The following ST6GAL1 variants were observed in gnomAD, a reference collection of about 807,000 sequenced individuals.
ST6GAL1 encodes ST6 beta-galactoside alpha-2,6-sialyltransferase 1, also known as beta-galactoside alpha-2,6-sialyltransferase 1.
A neutral mutation model predicts 38.0 loss-of-function variants in ST6GAL1; 20 were observed. The observed-to-expected ratio is 0.53, with a 90% CI of 0.37 to 0.77. The LOEUF is 0.77. ST6GAL1 is among the 30% of genes least tolerant of loss of function. The pLI, the probability that ST6GAL1 is intolerant of heterozygous loss-of-function variation, is 0.00. For synonymous variants in ST6GAL1, 196 were observed against 188.2 expected (o/e 1.04, Z -0.34); for missense variants, 432 against 496.4 (o/e 0.87, Z 1.23).
chr3:186,938,755 A>C (rs111424387), intron 1 of ST6GAL1, among the ~76,000 whole-genome samples: 46 of 152,220 alleles, frequency 3.0e-4, no homozygotes, highest in African/African-American at 1.1e-3. Flanking sequence ...AAGGAACCCT[A>C]TATCATATCC....
intron 3 of ST6GAL1, among the ~76,000 whole-genome samples, chr3:187,040,294 G>C (rs1718082812): frequency 6.6e-6 from 1 of 152,214 alleles, no homozygotes; most frequent in Non-Finnish European, 1.5e-5. Context: ...AGGGATGGCA[G>C]GTGCAGCACT....
chr3:187,009,347 T>C (rs2108557653), intron 2 of ST6GAL1, among the ~76,000 whole-genome samples: 1 of 152,340 alleles, frequency 6.6e-6, no homozygotes, highest in South Asian at 2.1e-4. Context: ...CTTAAAATAC[T>C]TAGGGATAGG....
At position 187,067,236 on chromosome 3, in the gene ST6GAL1, G is replaced by A. The variant is rs2377936; in HGVS notation, c.706-5613G>A. Among the ~76,000 whole-genome samples the A allele has an allele frequency of 9.7e-3, 1,463 of 151,290 alleles. 12 individuals are homozygous for A. The highest frequency in any genetic ancestry group is 0.015 in the Non-Finnish European group (1,040 of 67,756). ...TGAGTAGCTGAGATTTCAGGTGCCCGCCACCACGCCTGGCTAATTTTTGTA... is the reference window on the plus strand; with the variant it reads ...TGAGTAGCTGAGATTTCAGGTGCCCACCACCACGCCTGGCTAATTTTTGTA... On this transcript the variant is annotated intron_variant, in intron 5 of 7. Coordinates refer to ENST00000169298, the MANE Select transcript of ST6GAL1 (RefSeq NM_173216.2).
chr3:187,051,751 A>G (rs901325024), intron 5 of ST6GAL1, among the ~76,000 whole-genome samples: 38 of 152,308 alleles, frequency 2.5e-4, no homozygotes, highest in African/African-American at 9.1e-4. Flanking sequence ...TACAACTACT[A>G]TAAGACAGTG....
intron 1 of ST6GAL1, among the ~76,000 whole-genome samples, chr3:186,940,019 A>G (rs1714109461): frequency 6.6e-6 from 1 of 152,204 alleles, no homozygotes; most frequent in Non-Finnish European, 1.5e-5. Context: ...CTCAAATAAA[A>G]TAGGAAAGTC....
intron 2 of ST6GAL1, among the ~76,000 whole-genome samples, chr3:187,026,619 G>A: frequency 6.6e-6 from 1 of 152,214 alleles, no homozygotes; most frequent in East Asian, 1.9e-4. Context: ...CAAAAGCCAG[G>A]ATTTCAATCT....
At chr3:187,016,266 C>G (rs1295508715) in intron 2 of ST6GAL1, among the ~76,000 whole-genome samples, 1 of 152,236 alleles carries the variant, frequency 6.6e-6, no homozygotes, top group East Asian at 1.9e-4. Flanking sequence ...TTCTATTCAT[C>G]AAGCGCCACT....
intron 2 of ST6GAL1, among the ~76,000 whole-genome samples, chr3:187,000,492 G>A (rs1240037567): frequency 2.0e-5 from 3 of 152,162 alleles, no homozygotes; most frequent in Non-Finnish European, 1.5e-5. Context: ...AACCCGGGAG[G>A]CCGAGGTGGC....
intron 2 of ST6GAL1, among the ~76,000 whole-genome samples, chr3:187,012,380 C>G (rs1182071858): frequency 6.6e-6 from 1 of 152,098 alleles, no homozygotes; most frequent in African/African-American, 2.4e-5. Context: ...GCCTCAGCCT[C>G]CTGAGTAGCT....
intron 5 of ST6GAL1, among the ~76,000 whole-genome samples, chr3:187,069,254 C>T (rs1057276281): frequency 6.6e-6 from 1 of 152,158 alleles, no homozygotes; most frequent in African/African-American, 2.4e-5. Flanking sequence ...CCTGCCTCAG[C>T]CTTCCAAGTA....
intron 1 of ST6GAL1, among the ~76,000 whole-genome samples, chr3:186,937,260 G>C (rs990868838): frequency 6.6e-6 from 1 of 152,104 alleles, no homozygotes; most frequent in African/African-American, 2.4e-5. Flanking sequence ...CCAAGGATGT[G>C]TGGGCCCCTG....
At chr3:187,002,823 A>G (rs561165116) in intron 2 of ST6GAL1, among the ~76,000 whole-genome samples, 5 of 152,248 alleles carry the variant, frequency 3.3e-5, no homozygotes, top group Non-Finnish European at 7.3e-5. Context: ...TAATTCTTTA[A>G]AAGCACAGGT....
At chr3:187,047,980 T>A in intron 4 of ST6GAL1, among the ~76,000 whole-genome samples, 1 of 151,564 alleles carries the variant, frequency 6.6e-6, no homozygotes, top group Non-Finnish European at 1.5e-5. Context: ...TCTTGCTCTG[T>A]TGCCCAGGCT....
At chr3:187,033,262 A>G (rs546854899) in intron 2 of ST6GAL1, among the ~76,000 whole-genome samples, 1 of 152,320 alleles carries the variant, frequency 6.6e-6, no homozygotes, top group Non-Finnish European at 1.5e-5. Flanking sequence ...AAAAACAAGT[A>G]TTAGCTGGGC....
At chr3:186,939,434 T>C (rs9858895) in intron 1 of ST6GAL1, among the ~76,000 whole-genome samples, 143,376 of 152,198 alleles carry the variant, frequency 0.94, 67,828 homozygotes, top group Non-Finnish European at 0.98. Context: ...GTGTCACAAA[T>C]AGACAGGGTG....
At chr3:186,955,764 G>C (rs1236544072) in intron 1 of ST6GAL1, among the ~76,000 whole-genome samples, 1 of 152,128 alleles carries the variant, frequency 6.6e-6, no homozygotes, top group Non-Finnish European at 1.5e-5. Flanking sequence ...GCCTCCCAAA[G>C]TGCTGGGATT....
intron 1 of ST6GAL1, among the ~76,000 whole-genome samples, chr3:186,941,647 C>T (rs1714178200): frequency 1.3e-5 from 2 of 152,042 alleles, no homozygotes; most frequent in Admixed American, 6.5e-5. Flanking sequence ...ACTGACTTAA[C>T]GGAGCTACCC....
intron 2 of ST6GAL1, chr3:187,025,475 C>T (rs908327353): frequency 6.6e-6 from 1 of 152,226 alleles, no homozygotes; most frequent in Non-Finnish European, 1.5e-5. Context: ...CTGCGCTCTC[C>T]TCTGCTTAAT....
At chr3:187,063,032 G>GTGA (rs1560181895) in intron 5 of ST6GAL1, among the ~76,000 whole-genome samples, 1 of 152,178 alleles carries the variant, frequency 6.6e-6, no homozygotes, top group African/African-American at 2.4e-5. Context: ...GGAGATGGTG[G>GTGA]TGATAGTTAC....
Sources: allele counts gnomAD v4.1 joint callset (sites outside exome capture counted in the v4.1 genomes callset), GRCh38; gene constraint gnomAD v4.1.1; transcripts MANE v1.5; gene names NCBI Gene and HGNC (gene_info 2026-07-23, HGNC 2026-07-21).